KCNU1: variants seen among roughly 807,000 people sequenced by gnomAD.
The protein encoded by KCNU1 is potassium calcium-activated channel subfamily U member 1, also known as potassium channel subfamily U member 1.
KCNU1 carries 93 observed loss-of-function variants against 126.8 expected under a neutral mutation model. The observed-to-expected ratio is 0.73, with a 90% CI of 0.62 to 0.87. The LOEUF (loss-of-function observed/expected upper bound fraction) is 0.87. Among genes scored for constraint, KCNU1 ranks in the 40% least tolerant of loss-of-function variants. The pLI is 0.00. For missense variants in KCNU1, 1,330 were observed against 1,367.1 expected, an observed-to-expected ratio of 0.97 and a Z score of 0.43; for synonymous variants, 523 against 494.2, an observed-to-expected ratio of 1.06 and a Z score of -0.77.
rs190077775 is a variant in KCNU1, at chr8:36,822,314, C to T, written c.1106+4554C>T. 1.2e-3 allele frequency among the ~76,000 whole-genome samples: 186 copies of T among 151,850 alleles called. 1 individual carries two copies. The highest frequency in any genetic ancestry group is 4.3e-3 in the African/African-American group (180 of 41,512). On this transcript the variant is annotated intron_variant, in intron 10 of 26. Coordinates refer to ENST00000399881, the MANE Select transcript of KCNU1 (RefSeq NM_001031836.3). The stretch of plus-strand genomic sequence containing the variant: ...AAGGCCTATCCCACTGCCAGTCTTT[C>T]CAGCTAGCTCAGTCGAGGCAGCACA...
At chr8:36,880,996 T>TA (rs1260314329) in intron 19 of KCNU1, among the ~76,000 whole-genome samples, 4 of 150,862 alleles carry the variant, frequency 2.7e-5, no homozygotes, top group South Asian at 2.1e-4. Flanking sequence ...GGCATCAATA[T>TA]AAAAAAAAAT....
chr8:36,814,126 AATCTAATGTTTTGCCT>A, intron 7 of KCNU1, 65 bp from the exon 8 acceptor site: 1 of 1,014,562 alleles, frequency 9.9e-7, no homozygotes, highest in Non-Finnish European at 1.5e-6. Context: ...AAGTGCAATT[AATCTAATGTTTTGCCT>A]ATTCTTTAAA....
intron 19 of KCNU1, among the ~76,000 whole-genome samples, chr8:36,901,184 A>C (rs1429003537): frequency 6.6e-6 from 1 of 152,082 alleles, no homozygotes; most frequent in Non-Finnish European, 1.5e-5. Flanking sequence ...TCAAATCTGT[A>C]AGTTGGAGAA....
intron 10 of KCNU1, among the ~76,000 whole-genome samples, chr8:36,824,558 C>T (rs972834545): frequency 3.3e-5 from 5 of 152,158 alleles, no homozygotes; most frequent in Non-Finnish European, 5.9e-5. Context: ...AATGTATCCC[C>T]TTTGGATAAG....
At chr8:36,795,025 G>A (rs556773856) in intron 2 of KCNU1, among the ~76,000 whole-genome samples, 1 of 152,326 alleles carries the variant, frequency 6.6e-6, no homozygotes, top group Admixed American at 6.5e-5. Flanking sequence ...TAAATTTCTT[G>A]GGAGGAATCC....
chr8:36,794,342 T>C (rs1027875386), intron 2 of KCNU1, among the ~76,000 whole-genome samples: 2 of 152,106 alleles, frequency 1.3e-5, no homozygotes, highest in Non-Finnish European at 2.9e-5. Flanking sequence ...TGGAGATGTA[T>C]ATGTTTCATT....
At chr8:36,832,254 G>A (rs1200362299) in intron 10 of KCNU1, among the ~76,000 whole-genome samples, 1 of 152,090 alleles carries the variant, frequency 6.6e-6, no homozygotes, top group Non-Finnish European at 1.5e-5. Context: ...CTCTTTTTTG[G>A]TTCCATATGA....
chr8:36,879,495 G>A (rs1806398476), intron 19 of KCNU1, among the ~76,000 whole-genome samples: 1 of 151,960 alleles, frequency 6.6e-6, no homozygotes, highest in South Asian at 2.1e-4. Flanking sequence ...AATATTTGTT[G>A]AGTGCCTTTG....
At chr8:36,903,715 T>C (rs1468760069) in intron 19 of KCNU1, among the ~76,000 whole-genome samples, 1 of 152,146 alleles carries the variant, frequency 6.6e-6, no homozygotes, top group African/African-American at 2.4e-5. Context: ...CTGCTAATAC[T>C]TGAGACTGAG....
At chr8:36,787,900 A>G (rs1229680133) in intron 2 of KCNU1, among the ~76,000 whole-genome samples, 1 of 149,164 alleles carries the variant, frequency 6.7e-6, no homozygotes, top group Non-Finnish European at 1.5e-5. Context: ...TATGTATTAT[A>G]ATCATATTTT....
At chr8:36,888,547 C>T (rs779269308) in intron 19 of KCNU1, 2 of 533,134 alleles carry the variant, frequency 3.8e-6, no homozygotes, top group Non-Finnish European at 7.7e-6. Flanking sequence ...TCTGGGAGAT[C>T]ACAAATGGGC....
chr8:36,808,662 T>G, intron 6 of KCNU1, 56 bp from the exon 7 acceptor site: 1 of 1,057,988 alleles, frequency 9.5e-7, no homozygotes, highest in Non-Finnish European at 1.5e-6. Flanking sequence ...GGATGAGGTG[T>G]TTGTGTTGTT....
At chr8:36,816,209 C>T (rs1017256088) in intron 9 of KCNU1, among the ~76,000 whole-genome samples, 2 of 152,154 alleles carry the variant, frequency 1.3e-5, no homozygotes, top group Non-Finnish European at 2.9e-5. Context: ...TCTATAGCGC[C>T]TCCTAGATGA....
rs1298613328 is a variant in KCNU1, at chr8:36,814,349, T to A, written c.875T>A (p.Phe292Tyr). Reference protein sequence around the residue: ...VVAKTSLGRTFIMFFTLGSLI... With the variant: ...VVAKTSLGRTYIMFFTLGSLI... ...GCCAAGACATCCTTAGGACGGACCT[T>A]CATCATGTTCTTCACACTGGGGAGT... Residue 292 changes from phenylalanine to tyrosine, a missense_variant, in exon 8 of 27, where the codon TTC becomes TAC. Transcript: ENST00000399881. The A allele has an allele frequency of 6.2e-7, 1 of 1,612,168 alleles. No individual in the cohort carries two copies. The highest frequency in any genetic ancestry group is 1.1e-5 in the South Asian group (1 of 90,814).
intron 22 of KCNU1, among the ~76,000 whole-genome samples, chr8:36,911,694 C>A (rs1424095008): frequency 1.3e-5 from 2 of 152,158 alleles, no homozygotes; most frequent in African/African-American, 2.4e-5. Flanking sequence ...ATGCAAGGGT[C>A]TTTCCAGGAT....
At position 36,817,681 on chromosome 8, in the gene KCNU1, G is replaced by A. The variant is rs1803970135; in HGVS notation, c.1027G>A (p.Asp343Asn). Residue 343 changes from aspartate to asparagine, a missense_variant, in exon 10 of 27, where the codon GAC becomes AAC. Around this residue, in one of 3 missense-constraint regions of KCNU1, gnomAD observed 1,054 missense variants for 1,053.9 expected, o/e 1.00. Transcript: ENST00000399881. ...TGTGGTCTGTGGAAACATCACTGTG[G>A]ACAGTGTGACCGCTTTCCTGAGGAA... ...FIVVCGNITV[D>N]SVTAFLRNFL... 1.2e-6 allele frequency: 2 copies of A among 1,612,228 alleles called. No homozygotes were observed. The highest frequency in any genetic ancestry group is 1.7e-6 in the Non-Finnish European group (2 of 1,178,440).
intron 23 of KCNU1, among the ~76,000 whole-genome samples, chr8:36,919,444 A>C (rs959065308): frequency 6.6e-6 from 1 of 151,772 alleles, no homozygotes; most frequent in Non-Finnish European, 1.5e-5. Flanking sequence ...AAAAAAAAAA[A>C]AACTCTCGAA....
At position 36,931,113 on chromosome 8, in the gene KCNU1, T is replaced by A. The variant is rs1808690099; in HGVS notation, c.2899T>A (p.Ser967Thr). The A allele has an allele frequency of 6.2e-7, 1 of 1,609,890 alleles. No individual in the cohort carries two copies. Among genetic ancestry groups the A allele is most frequent in the Non-Finnish European group, 8.5e-7 (1 of 1,178,098 alleles). The change falls in exon 25 of 27, where the codon TCC becomes ACC. Residue 967 changes from serine (S) to threonine (T), a missense_variant. Ser to Thr is a moderately conservative substitution (Grantham distance 58). This residue lies in a region of KCNU1 where 1,054 missense variants were observed against 1,053.9 expected (regional missense o/e 1.00). Coordinates refer to ENST00000399881, the MANE Select transcript of KCNU1 (RefSeq NM_001031836.3). ...AAACCGGTGTAAGCTGGGGCTTCTG[T>A]CCTTACACGAAACCATTTTATCAGA... ...GRNRCKLGLL[S>T]LHETILSDVN...
intron 16 of KCNU1, among the ~76,000 whole-genome samples, 151 bp downstream of exon 16, chr8:36,841,154 C>T (rs1804943956): frequency 6.7e-6 from 1 of 149,732 alleles, no homozygotes; most frequent in Non-Finnish European, 1.5e-5. Flanking sequence ...CTCTGGGGCT[C>T]TCTGGCTCCT....
Sources: gnomAD v4.1 joint callset for allele counts (sites outside exome capture counted in the v4.1 genomes callset) on GRCh38, gnomAD v4.1.1 for gene constraint, gnomAD v4.1.1 regional missense constraint, MANE v1.5 for transcripts, NCBI Gene and HGNC (gene_info 2026-07-23, HGNC 2026-07-21) for gene names.